Variants in IFT70A observed in about 807,000 individuals in gnomAD.
IFT70A encodes intraflagellar transport protein 70A.
At chr2:177,615,858 T>A in the IFT70A span, 6 of 152,090 alleles carry the variant, frequency 3.9e-5, no homozygotes, top group African/African-American at 1.4e-4. Flanking sequence ...CATTCTCAGT[T>A]CAGTGCTTAT....
the IFT70A span, chr2:177,618,668 C>T: frequency 1.9e-6 from 3 of 1,598,532 alleles, no homozygotes; most frequent in Admixed American, 1.7e-5. Flanking sequence ...GTAAACTCCC[C>T]GTCGGGGATC....
the IFT70A span, chr2:177,615,087 G>C: frequency 6.6e-6 from 1 of 152,182 alleles, no homozygotes; most frequent in African/African-American, 2.4e-5. Context: ...TAACTACTGA[G>C]ATTTGGACAT....
chr2:177,617,924 T>C, the IFT70A span: 2 of 1,614,198 alleles, frequency 1.2e-6, no homozygotes, highest in Admixed American at 1.7e-5. Context: ...TGGTATTCTA[T>C]GGCTGCCTTA....
the IFT70A span, chr2:177,617,211 A>T: frequency 2.5e-6 from 4 of 1,603,784 alleles, no homozygotes; most frequent in Non-Finnish European, 3.4e-6. Flanking sequence ...GTACAATAGC[A>T]CTGACATTCA....
At chr2:177,616,069 A>T in the IFT70A span, 1 of 152,194 alleles carries the variant, frequency 6.6e-6, no homozygotes, top group East Asian at 1.9e-4. Flanking sequence ...ATGAAAAAAA[A>T]TTTTGTCACT....
chr2:177,617,448 T>C, the IFT70A span: 2 of 1,612,672 alleles, frequency 1.2e-6, no homozygotes, highest in Non-Finnish European at 1.7e-6. Context: ...TCTCCATGGT[T>C]TCATCATATT....
the IFT70A span, chr2:177,616,032 C>T: frequency 3.3e-5 from 5 of 152,154 alleles, no homozygotes; most frequent in East Asian, 9.6e-4. Flanking sequence ...TATTATAAAA[C>T]TTAAGAAGCA....
chr2:177,614,404 G>A, the IFT70A span: 2 of 152,074 alleles, frequency 1.3e-5, no homozygotes, highest in African/African-American at 4.8e-5. Flanking sequence ...AGTTCAAAAA[G>A]TTTAAAAGAT....
the IFT70A span, chr2:177,617,635 G>T: frequency 6.2e-7 from 1 of 1,614,228 alleles, no homozygotes; most frequent in Non-Finnish European, 8.5e-7. Context: ...ATAGAGATAG[G>T]GTGTGAGGAA....
the IFT70A span, chr2:177,617,776 A>G: frequency 6.2e-7 from 1 of 1,614,204 alleles, no homozygotes; most frequent in Admixed American, 1.7e-5. Context: ...CAAAAACTGT[A>G]GCTTTTCAAA....
chr2:177,618,688 C>T, the IFT70A span: 1 of 1,583,672 alleles, frequency 6.3e-7, no homozygotes, highest in Admixed American at 1.7e-5. Flanking sequence ...CTGCGCGCCG[C>T]TCAGACCAGC....
At chr2:177,617,165 G>C in the IFT70A span, 34 of 1,606,268 alleles carry the variant, frequency 2.1e-5, no homozygotes, top group Non-Finnish European at 2.9e-5. Flanking sequence ...TCTTCATTTT[G>C]ACTTGTCATA....
At chr2:177,616,384 C>G in the IFT70A span, 1 of 200,894 alleles carries the variant, frequency 5.0e-6, no homozygotes, top group Admixed American at 5.7e-5. Flanking sequence ...CATGACATAC[C>G]CTTTTGACAG....
At chr2:177,618,276 C>T in the IFT70A span, 76 of 1,614,242 alleles carry the variant, frequency 4.7e-5, no homozygotes, top group African/African-American at 8.8e-4. Context: ...CTCCCCCTTC[C>T]CCACTCAGCA....
At chr2:177,618,113 C>A in the IFT70A span, 2 of 1,614,224 alleles carry the variant, frequency 1.2e-6, no homozygotes, top group Admixed American at 1.7e-5. Flanking sequence ...CTGTAATAGG[C>A]CAAAGCCAGG....
At chr2:177,617,642 G>A in the IFT70A span, 1 of 1,614,236 alleles carries the variant, frequency 6.2e-7, no homozygotes, top group Non-Finnish European at 8.5e-7. Context: ...TAGGGTGTGA[G>A]GAACTTATAC....
chr2:177,617,114 G>A, the IFT70A span: 1 of 1,610,332 alleles, frequency 6.2e-7, no homozygotes, highest in Non-Finnish European at 8.5e-7. Context: ...TAAGAGAGCT[G>A]CTCTTCCTCC....
the IFT70A span, chr2:177,618,080 G>A: frequency 3.1e-6 from 5 of 1,614,224 alleles, no homozygotes; most frequent in Non-Finnish European, 4.2e-6. Context: ...ATATGCTTCA[G>A]TGCTGAGGCA....
the IFT70A span, chr2:177,616,823 G>A: frequency 3.7e-6 from 6 of 1,600,858 alleles, no homozygotes; most frequent in Non-Finnish European, 5.1e-6. Context: ...ATAACAGCAG[G>A]TATGTTTGTG....
Sources: gnomAD v4.1 joint callset for allele counts on GRCh38, gnomAD v4.1.1 for gene constraint, MANE v1.5 for transcripts, NCBI Gene and HGNC (gene_info 2026-07-23, HGNC 2026-07-21) for gene names.